TRIM44: variants seen among roughly 807,000 people sequenced by gnomAD.
TRIM44 encodes the protein tripartite motif containing 44, also known as tripartite motif-containing protein 44.
In TRIM44, 13 loss-of-function variants were observed where a neutral mutation model predicts 37.4. That is an observed-to-expected ratio of 0.35 (90% CI 0.23 to 0.55). The LOEUF is 0.55. Ranked by LOEUF, TRIM44 falls within the 20% of genes least tolerant of loss-of-function variation. The pLI is 0.89. For synonymous variants in TRIM44, 175 were observed against 157.2 expected, an observed-to-expected ratio of 1.11 and a Z score of -0.85; for missense variants, 426 against 437.2, an observed-to-expected ratio of 0.97 and a Z score of 0.23.
chr11:35,792,111 A>ACTCT lies in TRIM44; in HGVS notation c.1008-14241_1008-14238dup, dbSNP rs775490025. ...CACACACACACACACACACACACAC[A>ACTCT]CTCTCTCTCATCATTCTCTATTCCA... On this transcript the variant is annotated intron_variant, in intron 4 of 4. Transcript: ENST00000299413. Among the ~76,000 whole-genome samples the ACTCT allele has an allele frequency of 2.5e-3, 290 of 113,986 alleles. 5 individuals are homozygous for ACTCT. The highest frequency in any genetic ancestry group is 9.8e-3 in the East Asian group (41 of 4,182). 74.8% of individuals were successfully genotyped at this position (113,986 alleles called of 152,430 possible).
At chr11:35,777,530 T>C (rs1049231894) in intron 4 of TRIM44, among the ~76,000 whole-genome samples, 2 of 152,222 alleles carry the variant, frequency 1.3e-5, no homozygotes, top group Non-Finnish European at 2.9e-5. Context: ...CGTTAGTTGA[T>C]GCATTTCTTC....
chr11:35,715,594 G>A (rs1421108991), intron 2 of TRIM44, among the ~76,000 whole-genome samples: 1 of 152,040 alleles, frequency 6.6e-6, no homozygotes, highest in Non-Finnish European at 1.5e-5. Flanking sequence ...ATAGTCTTAT[G>A]AAGAAATATT....
In TRIM44 at chr11:35,816,164, C is replaced by T. The variant is rs1443546867; in HGVS notation, c.*9779C>T. 1.3e-5 allele frequency: 2 copies of T among 152,236 alleles called. No individual in the cohort carries two copies. Among genetic ancestry groups the T allele is most frequent in the Non-Finnish European group, 2.9e-5 (2 of 68,018 alleles). 9.4% of individuals were successfully genotyped at this position (152,236 alleles called of 1,614,324 possible). ...CTTTCCATCTGGAAACCATGAGCCT[C>T]ATGGATTCCAGGCACAAATTCTCAG... On this transcript the variant is annotated 3_prime_UTR_variant, in exon 5 of 5. Coordinates refer to ENST00000299413, the MANE Select transcript of TRIM44 (RefSeq NM_017583.6).
At chr11:35,693,559 C>T (rs1204611507) in intron 2 of TRIM44, among the ~76,000 whole-genome samples, 1 of 152,088 alleles carries the variant, frequency 6.6e-6, no homozygotes, top group Non-Finnish European at 1.5e-5. Flanking sequence ...TTGATTGGGT[C>T]ACATTTAGCA....
At chr11:35,774,124 C>G (rs1340088314) in intron 4 of TRIM44, among the ~76,000 whole-genome samples, 2 of 152,226 alleles carry the variant, frequency 1.3e-5, no homozygotes, top group Non-Finnish European at 2.9e-5. Context: ...CACATCCTCT[C>G]CAGCACGTGT....
chr11:35,748,064 C>G (rs999524358), intron 4 of TRIM44, among the ~76,000 whole-genome samples: 1 of 152,122 alleles, frequency 6.6e-6, no homozygotes, highest in African/African-American at 2.4e-5. Flanking sequence ...GGTTGAATCC[C>G]TAGCCAACCA....
intron 2 of TRIM44, among the ~76,000 whole-genome samples, chr11:35,720,707 TC>T (rs1256372909): frequency 1.3e-5 from 2 of 151,704 alleles, no homozygotes; most frequent in African/African-American, 4.8e-5. Flanking sequence ...TGGAGGAAGC[TC>T]CCCCCCACCC....
At chr11:35,727,157 C>CAAA (rs56986873) in intron 3 of TRIM44, among the ~76,000 whole-genome samples, 1 of 92,006 alleles carries the variant, frequency 1.1e-5, no homozygotes, top group Non-Finnish European at 2.3e-5. Flanking sequence ...GATCCTGTCT[C>CAAA]AAAAAAAAAA....
intron 4 of TRIM44, among the ~76,000 whole-genome samples, chr11:35,798,651 A>G (rs1853326093): frequency 6.6e-6 from 1 of 152,182 alleles, no homozygotes; most frequent in Non-Finnish European, 1.5e-5. Flanking sequence ...TGTCACAGAG[A>G]TGTGGGTAAT....
In TRIM44 at chr11:35,815,034, C is replaced by T. The variant is rs868419488; in HGVS notation, c.*8649C>T. 3 of 152,124 alleles carry T rather than the reference C, an allele frequency of 2.0e-5. No individual in the cohort carries two copies. Among genetic ancestry groups the T allele is most frequent in the African/African-American group, 7.2e-5 (3 of 41,442 alleles). 9.4% of individuals were successfully genotyped at this position (152,124 alleles called of 1,614,324 possible). ...TTCATATTTCAGGGTGAGACAAATG[C>T]TCTGTTGAAGCCATGCCACTACAGG... On this transcript the variant is annotated 3_prime_UTR_variant, in exon 5 of 5. Coordinates refer to ENST00000299413, the MANE Select transcript of TRIM44 (RefSeq NM_017583.6).
chr11:35,806,550 A>G lies in TRIM44; in HGVS notation c.*165A>G. ...GCACATATCTCTCCAAGGGATGACCAGTTTTATGCTTACTGTGTGCTTCTC... is the reference window on the plus strand; with the variant it reads ...GCACATATCTCTCCAAGGGATGACCGGTTTTATGCTTACTGTGTGCTTCTC... On this transcript the variant is annotated 3_prime_UTR_variant, in exon 5 of 5. Transcript: ENST00000299413. 1 of 700,926 alleles carries G rather than the reference A, an allele frequency of 1.4e-6. No individual in the cohort carries two copies. Among genetic ancestry groups the G allele is most frequent in the Non-Finnish European group, 2.5e-6 (1 of 404,656 alleles). 43.4% of individuals were successfully genotyped at this position (700,926 alleles called of 1,614,324 possible).
intron 2 of TRIM44, among the ~76,000 whole-genome samples, chr11:35,716,684 C>T (rs1212520457): frequency 7.9e-5 from 12 of 151,992 alleles, no homozygotes; most frequent in Admixed American, 7.9e-4. Flanking sequence ...AAACTTGACT[C>T]CAGAGTTTGG....
intron 2 of TRIM44, among the ~76,000 whole-genome samples, chr11:35,719,949 A>C (rs1439441685): frequency 6.6e-6 from 1 of 152,152 alleles, no homozygotes; most frequent in Non-Finnish European, 1.5e-5. Flanking sequence ...TTACAGCTTT[A>C]TAGTAAGACT....
At chr11:35,699,165 C>A (rs1169086504) in intron 2 of TRIM44, among the ~76,000 whole-genome samples, 1 of 150,682 alleles carries the variant, frequency 6.6e-6, no homozygotes, top group Non-Finnish European at 1.5e-5. Flanking sequence ...GGTACCAGTA[C>A]CATGCTGTTT....
At chr11:35,664,884 G>A (rs938036114) in intron 1 of TRIM44, among the ~76,000 whole-genome samples, 1 of 152,106 alleles carries the variant, frequency 6.6e-6, no homozygotes, top group Non-Finnish European at 1.5e-5. Flanking sequence ...GCATAATCTT[G>A]ACTTCTGTGA....
At position 35,747,587 on chromosome 11, in the gene TRIM44, C is replaced by A. The variant is rs61881278; in HGVS notation, c.1007+12142C>A. On this transcript the variant is annotated intron_variant, in intron 4 of 4. Transcript: ENST00000299413. Reference sequence around the variant, plus strand: ...ATGACAAGCCAACAGGGATTTGGTACTTTTATGAGAAAATTTTTTCATTTT... The same window carrying A: ...ATGACAAGCCAACAGGGATTTGGTAATTTTATGAGAAAATTTTTTCATTTT... Among the ~76,000 whole-genome samples the A allele has an allele frequency of 2.6e-5, 4 of 152,074 alleles. No homozygotes were observed. In the South Asian group the frequency reaches 8.3e-4, roughly 31 times the overall value.
chr11:35,785,503 A>T (rs905787677), intron 4 of TRIM44, among the ~76,000 whole-genome samples: 31 of 152,218 alleles, frequency 2.0e-4, no homozygotes, highest in African/African-American at 7.2e-4. Flanking sequence ...AGCAGCTTTG[A>T]GTCAGAATTG....
At chr11:35,796,763 T>C (rs1853297600) in intron 4 of TRIM44, among the ~76,000 whole-genome samples, 1 of 152,200 alleles carries the variant, frequency 6.6e-6, no homozygotes, top group Non-Finnish European at 1.5e-5. Flanking sequence ...AAAACTTAAC[T>C]GGCCCCAGGG....
intron 1 of TRIM44, among the ~76,000 whole-genome samples, chr11:35,665,349 A>C (rs181188012): frequency 5.9e-5 from 9 of 152,226 alleles, no homozygotes; most frequent in Non-Finnish European, 1.3e-4. Flanking sequence ...ATCACTATGA[A>C]GAGTATATGA....
Sources: gnomAD v4.1 joint callset for allele counts (sites outside exome capture counted in the v4.1 genomes callset) on GRCh38, gnomAD v4.1.1 for gene constraint, MANE v1.5 for transcripts, NCBI Gene and HGNC (gene_info 2026-07-23, HGNC 2026-07-21) for gene names.